CC2D2B: variants seen among roughly 807,000 people sequenced by gnomAD.
CC2D2B encodes coiled-coil and C2 domain containing 2B.
CC2D2B carries 128 observed loss-of-function variants against 161.2 expected under a neutral mutation model. The observed-to-expected ratio is 0.79, with a 90% confidence interval of 0.69 to 0.92. The LOEUF is 0.92. CC2D2B is among the 40% of genes least tolerant of loss of function. CC2D2B has a pLI of 0.00. For missense variants in CC2D2B, 1,173 were observed against 1,375.1 expected, an observed-to-expected ratio of 0.85 and a Z score of 2.32; for synonymous variants, 391 against 449.8, an observed-to-expected ratio of 0.87 and a Z score of 1.65.
chr10:95,913,087 T>TC (rs1242235483), intron 2 of CC2D2B, among the ~76,000 whole-genome samples: 3 of 151,954 alleles, frequency 2.0e-5, no homozygotes, highest in Non-Finnish European at 2.9e-5. Context: ...TTATTAACCT[T>TC]CCCCATTCCC....
At position 95,992,685 on chromosome 10, in the gene CC2D2B, C is replaced by A; in HGVS notation, c.2630C>A (p.Thr877Lys). 1 of 1,234,046 alleles carries A rather than the reference C, an allele frequency of 8.1e-7. No individual in the cohort carries two copies. The highest frequency in any genetic ancestry group is 4.1e-5 in the South Asian group (1 of 24,400). The allele number at this position is 1,234,046 out of a possible 1,614,324, so 76.4% of individuals were successfully genotyped here. Reference sequence around the variant, plus strand: ...GCCTATAATATTCCTACCAGAAAAACAACAATTAATGGGTAAGGCAATATG... The same window carrying A: ...GCCTATAATATTCCTACCAGAAAAAAAACAATTAATGGGTAAGGCAATATG... ...VRAYNIPTRK[T>K]TINGSLDMPT... The change falls in exon 22 of 35, where the codon ACA becomes AAA. Residue 877 changes from threonine (T) to lysine (K), a missense_variant. Coordinates refer to ENST00000646931, the MANE Select transcript of CC2D2B (RefSeq NM_001349008.3).
Position 96,027,396 on chromosome 10 carries a change from A to G in CC2D2B, c.4125+7A>G, listed in dbSNP as rs2079830277. The G allele has an allele frequency of 6.6e-6, 10 of 1,517,632 alleles. No homozygotes were observed. The East Asian group carries it at 1.2e-4, about 19-fold the overall frequency. The allele number at this position is 1,517,632 out of a possible 1,614,324, so 94.0% of individuals were successfully genotyped here. On this transcript the variant is annotated splice_region_variant and intron_variant, in intron 34 of 34. Transcript: ENST00000646931. Reference sequence around the variant, plus strand: ...AATACTACAATTTTATTGGGTTTGTATATGATTTAATGCATTAATGACATT... The same window carrying G: ...AATACTACAATTTTATTGGGTTTGTGTATGATTTAATGCATTAATGACATT...
At chr10:95,973,282 A>G (rs937423286) in intron 16 of CC2D2B, among the ~76,000 whole-genome samples, 1 of 152,206 alleles carries the variant, frequency 6.6e-6, no homozygotes. Context: ...CTGTGCACTC[A>G]GCAAAAGTTT....
chr10:95,987,977 A>C (rs1321881265), intron 19 of CC2D2B, among the ~76,000 whole-genome samples: 2 of 152,238 alleles, frequency 1.3e-5, no homozygotes, highest in African/African-American at 4.8e-5. Flanking sequence ...TTTCTAAAAA[A>C]TCATTTTCTC....
At chr10:95,990,393 A>G (rs922531581) in intron 20 of CC2D2B, among the ~76,000 whole-genome samples, 1 of 152,154 alleles carries the variant, frequency 6.6e-6, no homozygotes, top group Non-Finnish European at 1.5e-5. Context: ...TTAGGGAAAG[A>G]ATATTCTAGG....
At chr10:95,967,547 A>G (rs2076982023) in intron 14 of CC2D2B, among the ~76,000 whole-genome samples, 1 of 152,206 alleles carries the variant, frequency 6.6e-6, no homozygotes, top group Non-Finnish European at 1.5e-5. Flanking sequence ...TGAAAAGAAT[A>G]CAGAGATTAG....
chr10:95,923,610 T>G (rs988199190), intron 3 of CC2D2B, among the ~76,000 whole-genome samples: 2 of 152,218 alleles, frequency 1.3e-5, no homozygotes, highest in Non-Finnish European at 2.9e-5. Context: ...CTGAGCTTTG[T>G]TTTTGTTTTG....
chr10:96,019,072 G>A, intron 30 of CC2D2B, 131 bp from the exon 31 acceptor site: 1 of 678,136 alleles, frequency 1.5e-6, no homozygotes, highest in Non-Finnish European at 2.3e-6. Context: ...CTCCCAAAGA[G>A]CCGGGATTAC....
chr10:95,988,769 G>A (rs61504958), intron 20 of CC2D2B, among the ~76,000 whole-genome samples: 6,216 of 152,234 alleles, frequency 0.041, 247 homozygotes, highest in African/African-American at 0.096. Context: ...GCTTTGAAAC[G>A]AAGCCAAATA....
intron 17 of CC2D2B, among the ~76,000 whole-genome samples, chr10:95,978,542 T>C (rs919638218): frequency 6.6e-5 from 10 of 152,102 alleles, no homozygotes; most frequent in African/African-American, 2.4e-4. Context: ...TTGCTTTCTT[T>C]GTTTTCTTTT....
Position 95,937,339 on chromosome 10 carries a change from A to G in CC2D2B, c.337-652A>G, listed in dbSNP as rs1039772845. Reference sequence around the variant, plus strand: ...AATTAGACAGATAAAATCATCCAAAATAATGATTTTGCTTTCATGAATAGA... The same window carrying G: ...AATTAGACAGATAAAATCATCCAAAGTAATGATTTTGCTTTCATGAATAGA... On this transcript the variant is annotated intron_variant, in intron 6 of 34. Coordinates refer to ENST00000646931, the MANE Select transcript of CC2D2B (RefSeq NM_001349008.3). Among the ~76,000 whole-genome samples the G allele has an allele frequency of 3.9e-5, 6 of 152,318 alleles. No homozygotes were observed. In the East Asian group the frequency reaches 1.2e-3, roughly 29 times the overall value.
Position 95,962,539 on chromosome 10 carries a change from C to T in CC2D2B, c.1250+570C>T, listed in dbSNP as rs1199699014. On this transcript the variant is annotated intron_variant, in intron 12 of 34. Transcript: ENST00000646931. The stretch of plus-strand genomic sequence containing the variant: ...GCCAGCAATCATACTTTAGATGAAA[C>T]GCATTTTAGATTATTTGATAAAATC... Among the ~76,000 whole-genome samples, 8 of 152,138 alleles carry T rather than the reference C, an allele frequency of 5.3e-5. No homozygotes were observed. In the South Asian group the frequency reaches 6.2e-4, roughly 12 times the overall value.
At chr10:96,029,263 T>TACAC (rs1564689031) in intron 34 of CC2D2B, among the ~76,000 whole-genome samples, 7 of 67,002 alleles carry the variant, frequency 1.0e-4, no homozygotes, top group Non-Finnish European at 1.3e-4. Flanking sequence ...TATATATATA[T>TACAC]ATATATATAT....
At chr10:95,924,230 G>C in intron 3 of CC2D2B, 84 bp from the exon 4 acceptor site, 2 of 684,526 alleles carry the variant, frequency 2.9e-6, no homozygotes, top group Non-Finnish European at 4.7e-6. Context: ...TGCAATTAAA[G>C]AATTTAATAA....
At chr10:95,973,283 GC>G (rs2077200605) in intron 16 of CC2D2B, among the ~76,000 whole-genome samples, 1 of 152,124 alleles carries the variant, frequency 6.6e-6, no homozygotes, top group South Asian at 2.1e-4. Flanking sequence ...TGTGCACTCA[GC>G]AAAAGTTTTA....
In CC2D2B at chr10:95,998,079, T is replaced by G. The variant is rs771965970; in HGVS notation, c.2849+1827T>G. Among the ~76,000 whole-genome samples the G allele has an allele frequency of 1.9e-4, 29 of 150,942 alleles. No individual in the cohort carries two copies. The South Asian group carries it at 2.9e-3, about 15-fold the overall frequency. On this transcript the variant is annotated intron_variant, in intron 24 of 34. Coordinates refer to ENST00000646931, the MANE Select transcript of CC2D2B (RefSeq NM_001349008.3). ...TTATAATTTCTTTTTAAAGAGGCAGTTTTTTTTTCAATTTTTTTTAAATTA... is the reference window on the plus strand; with the variant it reads ...TTATAATTTCTTTTTAAAGAGGCAGGTTTTTTTTCAATTTTTTTTAAATTA...
At chr10:95,934,442 A>AC (rs1159630562) in intron 6 of CC2D2B, among the ~76,000 whole-genome samples, 48 of 128,922 alleles carry the variant, frequency 3.7e-4, no homozygotes, top group African/African-American at 1.2e-3. Flanking sequence ...GGTATGAAAA[A>AC]AAAAAAACAA....
rs17468083 is a variant in CC2D2B at position 95,989,904 on chromosome 10, A to G, written c.2380-1466A>G. Among the ~76,000 whole-genome samples the G allele has an allele frequency of 7.2e-3, 1,095 of 152,264 alleles. 7 individuals carry two copies. The highest frequency in any genetic ancestry group is 0.013 in the Non-Finnish European group (859 of 68,010). ...GCCTATTACGGCCATAGGTACCTAA[A>G]TCCTTCTATGAGAGGAACTCATGGA... On this transcript the variant is annotated intron_variant, in intron 20 of 34. Coordinates refer to ENST00000646931, the MANE Select transcript of CC2D2B (RefSeq NM_001349008.3).
chr10:95,990,872 G>C (rs1421174833), intron 20 of CC2D2B, among the ~76,000 whole-genome samples: 1 of 152,166 alleles, frequency 6.6e-6, no homozygotes, highest in East Asian at 1.9e-4. Flanking sequence ...GAGGGAGATG[G>C]CTTCCTTCAA....
Sources: allele counts gnomAD v4.1 joint callset (sites outside exome capture counted in the v4.1 genomes callset), GRCh38; gene constraint gnomAD v4.1.1; transcripts MANE v1.5; gene names NCBI Gene and HGNC (gene_info 2026-07-23, HGNC 2026-07-21).